The following WASL variants were observed in gnomAD, a reference collection of about 807,000 sequenced individuals.
The protein encoded by WASL is actin nucleation-promoting factor WASL.
A neutral mutation model predicts 55.5 loss-of-function variants in WASL; 20 were observed. The observed-to-expected ratio is 0.36, with a 90% CI of 0.25 to 0.52. The LOEUF is 0.52. WASL is among the 20% of genes least tolerant of loss of function. The pLI is 0.92. For synonymous variants in WASL, 249 were observed against 217.6 expected, an observed-to-expected ratio of 1.14 and a Z score of -1.27; for missense variants, 504 against 622.5, an observed-to-expected ratio of 0.81 and a Z score of 2.03.
intron 5 of WASL, among the ~76,000 whole-genome samples, chr7:123,704,123 G>C (rs530088775): frequency 6.6e-6 from 1 of 152,098 alleles, no homozygotes; most frequent in Non-Finnish European, 1.5e-5. Context: ...GCATTATACA[G>C]AGCTAAATTA....
At chr7:123,739,888 G>T (rs954629692) in intron 1 of WASL, among the ~76,000 whole-genome samples, 3 of 47,442 alleles carry the variant, frequency 6.3e-5, no homozygotes, top group African/African-American at 9.3e-5. Flanking sequence ...GTGTGTGTGT[G>T]TGTGTGTGTG....
rs1320775386 is a variant in WASL, at chr7:123,694,795, CTGTCTT to C, written c.740_745del (p.Lys247_Asp248del). Reference sequence around the variant, plus strand: ...GTCATATATAACTTTTGATGTTTCTCTGTCTTTAAGTTGTGCCTCTGAGATTCCACA... The same window carrying C: ...GTCATATATAACTTTTGATGTTTCTCTAAGTTGTGCCTCTGAGATTCCACA... On this transcript the variant is annotated inframe_deletion, in exon 8 of 11. Coordinates refer to ENST00000223023, the MANE Select transcript of WASL (RefSeq NM_003941.4). 1 of 1,613,064 alleles carries C rather than the reference CTGTCTT, an allele frequency of 6.2e-7. No individual in the cohort carries two copies. The highest frequency in any genetic ancestry group is 8.5e-7 in the Non-Finnish European group (1 of 1,179,526).
At chr7:123,696,058 GCTA>G (rs1001738544) in intron 6 of WASL, among the ~76,000 whole-genome samples, 193 bp from the exon 7 acceptor site, 10 of 151,994 alleles carry the variant, frequency 6.6e-5, no homozygotes, top group Admixed American at 6.5e-4. Flanking sequence ...CCCTGACTCT[GCTA>G]CTAACTGAAA....
At chr7:123,741,868 T>C (rs914794448) in intron 1 of WASL, among the ~76,000 whole-genome samples, 1 of 152,158 alleles carries the variant, frequency 6.6e-6, no homozygotes, top group African/African-American at 2.4e-5. Flanking sequence ...GGCCAACGCT[T>C]AAGTAGCTCC....
intron 1 of WASL, among the ~76,000 whole-genome samples, chr7:123,739,741 A>C (rs1156730473): frequency 6.6e-6 from 1 of 152,182 alleles, no homozygotes; most frequent in Non-Finnish European, 1.5e-5. Context: ...TCATAAGTAG[A>C]AGAGCATCTG....
At chr7:123,725,284 TACTC>T (rs1389510227) in intron 1 of WASL, among the ~76,000 whole-genome samples, 2 of 152,206 alleles carry the variant, frequency 1.3e-5, no homozygotes, top group African/African-American at 4.8e-5. Context: ...TCTATTAAAT[TACTC>T]AATAAATATT....
At chr7:123,715,416 C>A (rs987637042) in intron 1 of WASL, among the ~76,000 whole-genome samples, 1 of 152,156 alleles carries the variant, frequency 6.6e-6, no homozygotes, top group Non-Finnish European at 1.5e-5. Context: ...ACTCAATCTA[C>A]AGAATGAGAA....
In WASL at chr7:123,683,897, C is replaced by T. The variant is rs1258307470; in HGVS notation, c.*622G>A. 1 of 151,982 alleles carries T rather than the reference C, an allele frequency of 6.6e-6. No homozygotes were observed. The highest frequency in any genetic ancestry group is 1.5e-5 in the Non-Finnish European group (1 of 67,934). The allele number at this position is 151,982 out of a possible 1,614,324, so 9.4% of individuals were successfully genotyped here. On this transcript the variant is annotated 3_prime_UTR_variant, in exon 11 of 11. Coordinates refer to ENST00000223023, the MANE Select transcript of WASL (RefSeq NM_003941.4). ...GCAAATACCACTGCTATACCAATAA[C>T]AGGCAGTATTACTGTAAGAGGTGTG... is the stretch of plus-strand genomic sequence containing the variant.
At chr7:123,688,219 T>C (rs1647328734) in intron 10 of WASL, among the ~76,000 whole-genome samples, 1 of 152,150 alleles carries the variant, frequency 6.6e-6, no homozygotes, top group Non-Finnish European at 1.5e-5. Context: ...TTTCTTCAAA[T>C]CAACCTTTTA....
rs1242467141 is a variant in WASL at position 123,682,079 on chromosome 7, A to G, written c.*2440T>C. 2 of 152,182 alleles carry G rather than the reference A, an allele frequency of 1.3e-5. No homozygotes were observed. Among genetic ancestry groups the G allele is most frequent in the African/African-American group, 2.4e-5 (1 of 41,460 alleles). The allele number at this position is 152,182 out of a possible 1,614,324, so 9.4% of individuals were successfully genotyped here. A position where few individuals can be genotyped will look rare whatever the true frequency, so the allele number is the denominator to read the frequency against. ...AGTTGTCTGAAAATGAAATGATTGA[A>G]AGTCTTTATGAATCTCATACATACA... On this transcript the variant is annotated 3_prime_UTR_variant, in exon 11 of 11. Transcript: ENST00000223023.
At chr7:123,688,962 C>G in intron 10 of WASL, 80 bp downstream of exon 10, 1 of 1,206,448 alleles carries the variant, frequency 8.3e-7, no homozygotes, top group Non-Finnish European at 1.2e-6. Flanking sequence ...AATAACAGAA[C>G]GTCAAACATT....
intron 1 of WASL, among the ~76,000 whole-genome samples, chr7:123,724,650 A>T (rs925745247): frequency 2.6e-5 from 4 of 152,116 alleles, no homozygotes; most frequent in Non-Finnish European, 5.9e-5. Flanking sequence ...TGCCGGATTG[A>T]ACTGAGAGGG....
At chr7:123,702,076 C>G (rs1331344024) in intron 5 of WASL, among the ~76,000 whole-genome samples, 1 of 151,326 alleles carries the variant, frequency 6.6e-6, no homozygotes, top group African/African-American at 2.4e-5. Flanking sequence ...TTTTTTGAGA[C>G]GGAGTCTTGC....
intron 10 of WASL, among the ~76,000 whole-genome samples, chr7:123,688,182 T>A (rs550644325): frequency 1.6e-4 from 25 of 152,302 alleles, no homozygotes; most frequent in African/African-American, 5.8e-4. Context: ...TGTATATGTT[T>A]AATAATAACC....
chr7:123,685,537 T>A (rs771661766), intron 10 of WASL, among the ~76,000 whole-genome samples: 37 of 152,176 alleles, frequency 2.4e-4, no homozygotes, highest in Non-Finnish European at 2.5e-4. Flanking sequence ...ATGTAAAGTA[T>A]AGCTCTTCCC....
chr7:123,690,498 A>G (rs1443881402), intron 9 of WASL, among the ~76,000 whole-genome samples: 1 of 101,516 alleles, frequency 9.9e-6, no homozygotes, highest in Non-Finnish European at 2.2e-5. Context: ...TAACATGCCA[A>G]TAGTTCACTG....
At chr7:123,716,244 G>A (rs1218439301) in intron 1 of WASL, among the ~76,000 whole-genome samples, 6 of 152,062 alleles carry the variant, frequency 3.9e-5, no homozygotes, top group East Asian at 1.9e-4. Context: ...ATGGAGGCTC[G>A]CTCTCTCACC....
rs540322970 is a variant in WASL at position 123,748,602 on chromosome 7, G to C, written c.117+16C>G. The stretch of plus-strand genomic sequence containing the variant: ...AGGTAATGTCACGGGTGGCGACGCG[G>C]GTCTCGTCCACTGACCACACATTTC... On this transcript the variant is annotated intron_variant, in intron 1 of 10. Transcript: ENST00000223023. 11 of 1,611,846 alleles carry C rather than the reference G, an allele frequency of 6.8e-6. No homozygotes were observed. The highest frequency in any genetic ancestry group is 8.5e-6 in the Non-Finnish European group (10 of 1,178,616).
At chr7:123,688,695 A>G (rs943965494) in intron 10 of WASL, among the ~76,000 whole-genome samples, 1 of 152,116 alleles carries the variant, frequency 6.6e-6, no homozygotes, top group African/African-American at 2.4e-5. Flanking sequence ...TGTCACAGGA[A>G]TGAGATCTAA....
Sources: gnomAD v4.1 joint callset for allele counts (sites outside exome capture counted in the v4.1 genomes callset) on GRCh38, gnomAD v4.1.1 for gene constraint, MANE v1.5 for transcripts, NCBI Gene and HGNC (gene_info 2026-07-23, HGNC 2026-07-21) for gene names.